ATRNL1: variants seen among roughly 807,000 people sequenced by gnomAD.
ATRNL1 encodes the protein attractin like 1, also known as attractin-like protein 1.
A neutral mutation model predicts 182.7 loss-of-function variants in ATRNL1; 95 were observed. That is an observed-to-expected ratio of 0.52 (90% confidence interval 0.44 to 0.62). ATRNL1 has a LOEUF of 0.62. Ranked by LOEUF, ATRNL1 falls within the 20% of genes least tolerant of loss-of-function variation. ATRNL1 has a pLI of 0.00. For missense variants in ATRNL1, 1,471 were observed against 1,679.5 expected, an observed-to-expected ratio of 0.88 and a Z score of 2.17; for synonymous variants, 576 against 568.3, an observed-to-expected ratio of 1.01 and a Z score of -0.19.
intron 27 of ATRNL1, among the ~76,000 whole-genome samples, chr10:115,795,230 A>G (rs1555082642): frequency 6.6e-6 from 1 of 152,182 alleles, no homozygotes; most frequent in Non-Finnish European, 1.5e-5. Context: ...AGCTATGTAT[A>G]TATACATTTA....
chr10:115,177,465 A>G (rs968587892), intron 8 of ATRNL1, among the ~76,000 whole-genome samples: 18 of 152,290 alleles, frequency 1.2e-4, no homozygotes, highest in African/African-American at 2.6e-4. Flanking sequence ...AAATAATTCT[A>G]TTTGGGAAAG....
At chr10:115,353,752 T>C (rs1856376943) in intron 19 of ATRNL1, among the ~76,000 whole-genome samples, 1 of 152,180 alleles carries the variant, frequency 6.6e-6, no homozygotes, top group Non-Finnish European at 1.5e-5. Context: ...TTGTCATTAC[T>C]GTGAGGCTTG....
chr10:115,467,381 C>A, intron 23 of ATRNL1, 129 bp downstream of exon 23: 1 of 535,964 alleles, frequency 1.9e-6, no homozygotes, highest in South Asian at 3.8e-5. Flanking sequence ...TTTGCTGTTA[C>A]TGGTAAAAAT....
intron 28 of ATRNL1, among the ~76,000 whole-genome samples, chr10:115,876,037 G>C (rs914189523): frequency 6.6e-6 from 1 of 152,126 alleles, no homozygotes; most frequent in South Asian, 2.1e-4. Flanking sequence ...GTAGGTATTT[G>C]GTTTAAGCTT....
chr10:115,663,905 C>T (rs890590359), intron 26 of ATRNL1, among the ~76,000 whole-genome samples: 3 of 152,058 alleles, frequency 2.0e-5, no homozygotes, highest in African/African-American at 7.2e-5. Context: ...TATATTACTC[C>T]GATGTAGCCA....
chr10:115,559,693 C>T (rs1026662927), intron 26 of ATRNL1, among the ~76,000 whole-genome samples: 4 of 152,172 alleles, frequency 2.6e-5, no homozygotes, highest in African/African-American at 9.7e-5. Flanking sequence ...TTGACAAAGT[C>T]CAACAACCTT....
intron 27 of ATRNL1, among the ~76,000 whole-genome samples, chr10:115,785,445 T>A (rs1949372573): frequency 6.6e-6 from 1 of 152,244 alleles, no homozygotes; most frequent in Non-Finnish European, 1.5e-5. Flanking sequence ...TCCCTTTCAG[T>A]CCAAGCCTAG....
intron 1 of ATRNL1, among the ~76,000 whole-genome samples, chr10:115,115,880 C>G (rs1844462448): frequency 1.3e-5 from 2 of 152,056 alleles, no homozygotes; most frequent in Admixed American, 6.6e-5. Context: ...TTAGTATTGT[C>G]TAATATTTGT....
intron 28 of ATRNL1, among the ~76,000 whole-genome samples, chr10:115,934,410 A>T (rs1045573798): frequency 6.6e-6 from 1 of 152,180 alleles, no homozygotes; most frequent in Non-Finnish European, 1.5e-5. Flanking sequence ...TCACAACTGC[A>T]TATCCAAGTA....
chr10:115,544,753 G>A (rs1044485888), intron 25 of ATRNL1, among the ~76,000 whole-genome samples: 1 of 152,182 alleles, frequency 6.6e-6, no homozygotes, highest in Non-Finnish European at 1.5e-5. Context: ...ACAGGACACT[G>A]CTTCACATGG....
chr10:115,427,542 A>G (rs918179714), intron 21 of ATRNL1, among the ~76,000 whole-genome samples: 1 of 152,118 alleles, frequency 6.6e-6, no homozygotes, highest in Non-Finnish European at 1.5e-5. Flanking sequence ...GTTTTGGTAG[A>G]AATATTATAT....
intron 28 of ATRNL1, among the ~76,000 whole-genome samples, chr10:115,869,020 G>A (rs565030494): frequency 5.9e-5 from 9 of 151,810 alleles, no homozygotes; most frequent in African/African-American, 9.7e-5. Context: ...TAGTAGAGAC[G>A]GGGTTTCACC....
chr10:115,709,236 A>G (rs928413033), intron 26 of ATRNL1, among the ~76,000 whole-genome samples: 1 of 151,916 alleles, frequency 6.6e-6, no homozygotes, highest in Non-Finnish European at 1.5e-5. Context: ...AATATAAGGC[A>G]GTTTCTGAAG....
chr10:115,266,825 A>G lies in ATRNL1; in HGVS notation c.1801A>G (p.Ser601Gly), dbSNP rs1215672780. 5.6e-6 allele frequency: 9 copies of G among 1,607,914 alleles called. No homozygotes were observed. Among genetic ancestry groups the G allele is most frequent in the Non-Finnish European group, 7.7e-6 (9 of 1,176,038 alleles). ...CATGTATATATTTGGGGGATTTTCT[A>G]GTGTACTCCTTAATGATATCCTTGT... Reference protein sequence around the residue: ...GSMYIFGGFSSVLLNDILVYK... With the variant: ...GSMYIFGGFSGVLLNDILVYK... The change falls in exon 12 of 29, where the codon AGT becomes GGT. Residue 601 changes from serine (S) to glycine (G), a missense_variant. This residue lies in a region of ATRNL1 where 1,031 missense variants were observed against 1,156.0 expected (regional missense o/e 0.89). Transcript: ENST00000355044.
intron 1 of ATRNL1, among the ~76,000 whole-genome samples, chr10:115,104,998 G>A (rs1270287884): frequency 6.6e-6 from 1 of 151,838 alleles, no homozygotes; most frequent in Non-Finnish European, 1.5e-5. Context: ...GATGCTTCCA[G>A]TATTGCTCTT....
intron 26 of ATRNL1, among the ~76,000 whole-genome samples, chr10:115,696,180 G>A (rs781890956): frequency 1.3e-5 from 2 of 152,064 alleles, no homozygotes; most frequent in African/African-American, 2.4e-5. Context: ...TTACAGCGGG[G>A]GAGACACCGC....
intron 19 of ATRNL1, among the ~76,000 whole-genome samples, chr10:115,350,975 C>A (rs1217147885): frequency 6.6e-6 from 1 of 151,920 alleles, no homozygotes; most frequent in Non-Finnish European, 1.5e-5. Context: ...TTATACAGAG[C>A]TTTTACTACT....
At chr10:115,778,770 T>C (rs1296221840) in intron 27 of ATRNL1, among the ~76,000 whole-genome samples, 1 of 152,170 alleles carries the variant, frequency 6.6e-6, no homozygotes, top group Admixed American at 6.5e-5. Flanking sequence ...TTTTATTGTT[T>C]GGTGTTAGTC....
Position 115,896,908 on chromosome 10 carries a change from G to C in ATRNL1, c.4019-47750G>C, listed in dbSNP as rs144936083. 8.3e-3 allele frequency among the ~76,000 whole-genome samples: 1,265 copies of C among 152,258 alleles called. 7 individuals are homozygous for C. The highest frequency in any genetic ancestry group is 0.015 in the Non-Finnish European group (988 of 67,994). On this transcript the variant is annotated intron_variant, in intron 28 of 28. Transcript: ENST00000355044. Reference sequence around the variant, plus strand: ...TATGAGTAAACATTTTTACAAACTTGTAATAGGGAGGACCCACAAAGAAAA... The same window carrying C: ...TATGAGTAAACATTTTTACAAACTTCTAATAGGGAGGACCCACAAAGAAAA...
Sources: gnomAD v4.1 joint callset for allele counts (sites outside exome capture counted in the v4.1 genomes callset) on GRCh38, gnomAD v4.1.1 for gene constraint, gnomAD v4.1.1 regional missense constraint, MANE v1.5 for transcripts, NCBI Gene and HGNC (gene_info 2026-07-23, HGNC 2026-07-21) for gene names.